The following MLPH variants were observed in gnomAD, a reference collection of about 807,000 sequenced individuals.
The protein encoded by MLPH is melanophilin.
Under a neutral mutation model 72.1 loss-of-function variants are expected in MLPH, and 51 were observed. The ratio of observed to expected loss-of-function variants is 0.71; its 90% confidence interval spans 0.56 to 0.89. The LOEUF (loss-of-function observed/expected upper bound fraction) is 0.89, where lower values mean the gene tolerates loss of function less well. Among genes scored for constraint, MLPH ranks in the 40% least tolerant of loss-of-function variants. The pLI is 0.00. For synonymous variants in MLPH, 301 were observed against 310.1 expected (o/e 0.97, Z 0.31); for missense variants, 743 against 759.9 (o/e 0.98, Z 0.26).
Position 237,540,815 on chromosome 2 carries a change from C to T in MLPH, c.1304C>T (p.Ala435Val). ...TCTCTTTCCTAGGTGGGCACGGCTG[C>T]CCATCAAACCAACAGACAGGAAAAA... The part of the protein sequence containing the change: ...PQADPEVGTA[A>V]HQTNRQEKSP... Residue 435 changes from alanine to valine, a missense_variant, in exon 11 of 16, where the codon GCC (alanine) becomes GTC (valine). Coordinates refer to ENST00000264605, the MANE Select transcript of MLPH (RefSeq NM_024101.7). 3.1e-6 allele frequency: 5 copies of T among 1,613,186 alleles called. No individual in the cohort carries two copies. The highest frequency in any genetic ancestry group is 4.2e-6 in the Non-Finnish European group (5 of 1,179,954).
Position 237,493,552 on chromosome 2 carries a change from TGAGCCCACG to T in MLPH, c.110+23_110+31del. On this transcript the variant is annotated intron_variant, in intron 2 of 15. Coordinates refer to ENST00000264605, the MANE Select transcript of MLPH (RefSeq NM_024101.7). ...AACGGCTAGAGTGAGTGTGCCGTGC[TGAGCCCACG>T]GAGCCCGGGGTCCCTGATCTTCCCC... 1 of 1,603,266 alleles carries T rather than the reference TGAGCCCACG, an allele frequency of 6.2e-7. No individual in the cohort carries two copies. Among genetic ancestry groups the T allele is most frequent in the Non-Finnish European group, 8.5e-7 (1 of 1,170,496 alleles).
chr2:237,541,082 C>A lies in MLPH; in HGVS notation c.1446+125C>A. The A allele has an allele frequency of 7.7e-7, 1 of 1,297,618 alleles. No homozygotes were observed. The highest frequency in any genetic ancestry group is 1.1e-6 in the Non-Finnish European group (1 of 920,072). 80.4% of individuals were successfully genotyped at this position (1,297,618 alleles called of 1,614,324 possible). A position where few individuals can be genotyped will look rare whatever the true frequency, so the allele number is the denominator to read the frequency against. On this transcript the variant is annotated intron_variant, in intron 11 of 15. Coordinates refer to ENST00000264605, the MANE Select transcript of MLPH (RefSeq NM_024101.7). The surrounding 1 kb of genome is among the most constrained non-coding windows in gnomAD (Gnocchi z 5.1). ...CACTGAGCCCTCCCCATTGGCCCAG[C>A]ATGCACGGCTCTGAAGGCCAGGCAT...
rs142087688 is a variant in MLPH, at chr2:237,491,923, G to A, written c.-24-1480G>A. ...AGGCCAAGGTCCTCTGTGACTCGCC[G>A]CCCACTACCCAAGTGAATGAGTCTC... On this transcript the variant is annotated intron_variant, in intron 1 of 15. Coordinates refer to ENST00000264605, the MANE Select transcript of MLPH (RefSeq NM_024101.7). Among the ~76,000 whole-genome samples, 59 of 152,196 alleles carry A rather than the reference G, an allele frequency of 3.9e-4. 1 individual carries two copies. The highest frequency in any genetic ancestry group is 2.8e-3 in the Admixed American group (43 of 15,286).
intron 2 of MLPH, among the ~76,000 whole-genome samples, chr2:237,509,712 G>C (rs528555587): frequency 6.6e-6 from 1 of 152,126 alleles, no homozygotes; most frequent in Non-Finnish European, 1.5e-5. Context: ...AGTGGAGAGA[G>C]GAAAATCGTG....
rs952718478 is a variant in MLPH at position 237,512,102 on chromosome 2, G to A, written c.445+1001G>A. Reference sequence around the variant, plus strand: ...AGTTTCTCCAGGGCCACGAGGCAGCGCCTGGCTCCGGCAGCTGGGCACGTC... The same window carrying A: ...AGTTTCTCCAGGGCCACGAGGCAGCACCTGGCTCCGGCAGCTGGGCACGTC... On this transcript the variant is annotated intron_variant, in intron 4 of 15. Coordinates refer to ENST00000264605, the MANE Select transcript of MLPH (RefSeq NM_024101.7). The surrounding 1 kb of genome is among the most constrained non-coding windows in gnomAD (Gnocchi z 5.5). Among the ~76,000 whole-genome samples the A allele has an allele frequency of 2.0e-5, 3 of 152,232 alleles. No individual in the cohort carries two copies. Among genetic ancestry groups the A allele is most frequent in the Non-Finnish European group, 2.9e-5 (2 of 68,044 alleles).
chr2:237,498,852 C>T (rs941015715), intron 2 of MLPH, among the ~76,000 whole-genome samples: 1 of 152,232 alleles, frequency 6.6e-6, no homozygotes, highest in African/African-American at 2.4e-5. Flanking sequence ...GTTAGCACCA[C>T]TGGCATCAGA....
chr2:237,533,002 C>A (rs2080454119), intron 8 of MLPH, among the ~76,000 whole-genome samples: 1 of 152,222 alleles, frequency 6.6e-6, no homozygotes, highest in South Asian at 2.1e-4. Context: ...CAGCACAAAC[C>A]ATCACCAGTC....
At chr2:237,517,036 G>A (rs924056904) in intron 4 of MLPH, among the ~76,000 whole-genome samples, 2 of 105,404 alleles carry the variant, frequency 1.9e-5, no homozygotes, top group Non-Finnish European at 4.1e-5. Flanking sequence ...TGGATGGATG[G>A]ATGGATAGGT....
intron 4 of MLPH, among the ~76,000 whole-genome samples, chr2:237,514,356 C>T (rs2079969596): frequency 6.6e-6 from 1 of 152,138 alleles, no homozygotes; most frequent in African/African-American, 2.4e-5. Flanking sequence ...ACTTGGGCCT[C>T]TCAAAGTGCT....
chr2:237,503,254 G>A (rs1213280862), intron 2 of MLPH, among the ~76,000 whole-genome samples: 1 of 152,164 alleles, frequency 6.6e-6, no homozygotes, highest in African/African-American at 2.4e-5. Flanking sequence ...CTAAAACAGG[G>A]ACTCCGCTGC....
At chr2:237,531,543 G>A (rs542335423) in intron 8 of MLPH, among the ~76,000 whole-genome samples, 9 of 152,250 alleles carry the variant, frequency 5.9e-5, no homozygotes, top group African/African-American at 1.4e-4. Context: ...AATACATAGC[G>A]TGGTTTCCAG....
At chr2:237,513,102 TAA>T (rs57193032) in intron 4 of MLPH, among the ~76,000 whole-genome samples, 1,657 of 137,868 alleles carry the variant, frequency 0.012, 13 homozygotes, top group South Asian at 0.031. Context: ...GCTGTGCCTT[TAA>T]AAAAAAAAAA....
intron 4 of MLPH, among the ~76,000 whole-genome samples, chr2:237,516,982 T>A (rs2080044278): frequency 6.9e-6 from 1 of 144,588 alleles, no homozygotes; most frequent in South Asian, 2.2e-4. Flanking sequence ...GATGGGCAGC[T>A]AAGGTGGTAG....
At chr2:237,495,560 G>A (rs959344195) in intron 2 of MLPH, among the ~76,000 whole-genome samples, 1 of 152,182 alleles carries the variant, frequency 6.6e-6, no homozygotes, top group African/African-American at 2.4e-5. Context: ...GCTGAACAGG[G>A]TCCGCAACAA....
At position 237,512,733 on chromosome 2, in the gene MLPH, A is replaced by AAC. The variant is rs1416453556; in HGVS notation, c.445+1635_445+1636dup. ...AGGCTTAAGGATAGAAACGACACATAACACCGGGAAAAGCCATGCTGTCAA... is the reference window on the plus strand; with the variant it reads ...AGGCTTAAGGATAGAAACGACACATAACACACCGGGAAAAGCCATGCTGTCAA... On this transcript the variant is annotated intron_variant, in intron 4 of 15. Coordinates refer to ENST00000264605, the MANE Select transcript of MLPH (RefSeq NM_024101.7). This position sits in a 1 kb window ranked among gnomAD's most constrained non-coding sequence, Gnocchi z 5.5. Among the ~76,000 whole-genome samples the AAC allele has an allele frequency of 3.3e-5, 5 of 152,104 alleles. No homozygotes were observed. The highest frequency in any genetic ancestry group is 1.2e-4 in the African/African-American group (5 of 41,406).
chr2:237,527,379 T>C lies in MLPH; in HGVS notation c.883T>C (p.Ser295Pro), dbSNP rs1272926561. The C allele has an allele frequency of 6.2e-7, 1 of 1,614,158 alleles. No homozygotes were observed. Among genetic ancestry groups the C allele is most frequent in the Non-Finnish European group, 8.5e-7 (1 of 1,180,038 alleles). The stretch of plus-strand genomic sequence containing the variant: ...TCAAACCCACTCTCGCTCTGAAGGG[T>C]CGAATGTCATCAGGAATGAGCAGCT... ...MALGTAAALG[S>P]NVIRNEQLPL... The change falls in exon 8 of 16, where the codon TCG becomes CCG. Residue 295 changes from serine (S) to proline (P), a missense_variant and splice_region_variant. Ser to Pro is a moderately conservative substitution (Grantham distance 74). Coordinates refer to ENST00000264605, the MANE Select transcript of MLPH (RefSeq NM_024101.7).
intron 2 of MLPH, among the ~76,000 whole-genome samples, chr2:237,496,781 G>A (rs1420653947): frequency 1.3e-5 from 2 of 152,232 alleles, no homozygotes; most frequent in Non-Finnish European, 2.9e-5. Flanking sequence ...GTAGAGTACT[G>A]TGTTGAAAAT....
intron 13 of MLPH, 102 bp downstream of exon 13, chr2:237,546,785 T>A: frequency 1.1e-6 from 1 of 939,850 alleles, no homozygotes; most frequent in Non-Finnish European, 1.7e-6. Flanking sequence ...AGATGCAATG[T>A]CCTCACAGCT....
At chr2:237,514,076 G>A (rs183083320) in intron 4 of MLPH, among the ~76,000 whole-genome samples, 15 of 152,246 alleles carry the variant, frequency 9.9e-5, no homozygotes, top group East Asian at 1.9e-4. Flanking sequence ...GGTGGACTGC[G>A]TGTGGAAAGA....
Sources: allele counts gnomAD v4.1 joint callset (sites outside exome capture counted in the v4.1 genomes callset), GRCh38; gene constraint gnomAD v4.1.1; non-coding constraint Gnocchi (gnomAD v3.1); transcripts MANE v1.5; gene names NCBI Gene and HGNC (gene_info 2026-07-23, HGNC 2026-07-21).